ATRN: variants seen among roughly 807,000 people sequenced by gnomAD.
ATRN encodes the protein attractin, also known as attractin-2.
In ATRN, 54 loss-of-function variants were observed where a neutral mutation model predicts 178.7. The observed-to-expected ratio is 0.30, with a 90% CI of 0.24 to 0.38. The LOEUF (loss-of-function observed/expected upper bound fraction) is 0.38, where lower values mean the gene tolerates loss of function less well. Ranked by LOEUF, ATRN falls within the 10% of genes least tolerant of loss-of-function variation. ATRN has a pLI of 1.00. For missense variants in ATRN, 1,443 were observed against 1,815.1 expected (o/e 0.79, Z 3.73); for synonymous variants, 636 against 663.0 (o/e 0.96, Z 0.63).
At chr20:3,481,383 C>A (rs1012808592) in intron 1 of ATRN, among the ~76,000 whole-genome samples, 1 of 152,158 alleles carries the variant, frequency 6.6e-6, no homozygotes, top group Non-Finnish European at 1.5e-5. Context: ...CCCTGTCACC[C>A]GTGCTGAAGT....
At chr20:3,563,051 T>C (rs969749246) in intron 9 of ATRN, among the ~76,000 whole-genome samples, 158 bp from the exon 10 acceptor site, 1 of 152,242 alleles carries the variant, frequency 6.6e-6, no homozygotes, top group Admixed American at 6.5e-5. Flanking sequence ...ATTATCTGTA[T>C]TTATTGTTGA....
chr20:3,568,923 A>G (rs1431307554), intron 11 of ATRN, among the ~76,000 whole-genome samples: 1 of 152,202 alleles, frequency 6.6e-6, no homozygotes, highest in East Asian at 1.9e-4. Flanking sequence ...ACAAAAATGC[A>G]TAAAACATGG....
At chr20:3,546,084 A>G (rs1294515782) in intron 4 of ATRN, among the ~76,000 whole-genome samples, 194 bp downstream of exon 4, 1 of 152,188 alleles carries the variant, frequency 6.6e-6, no homozygotes, top group Admixed American at 6.5e-5. Context: ...TAATTGAGGA[A>G]ACTGGCAGGA....
At chr20:3,603,085 A>C (rs375044982) in intron 23 of ATRN, among the ~76,000 whole-genome samples, 1 of 151,346 alleles carries the variant, frequency 6.6e-6, no homozygotes, top group African/African-American at 2.4e-5. Context: ...CCATTTCATT[A>C]ATCTTTATCG....
intron 1 of ATRN, among the ~76,000 whole-genome samples, chr20:3,496,939 CT>C (rs1191987099): frequency 6.6e-6 from 1 of 151,182 alleles, no homozygotes; most frequent in African/African-American, 2.4e-5. Context: ...CTCTTTTGAT[CT>C]TTGTTGGTTT....
At chr20:3,495,472 C>CT (rs1157668039) in intron 1 of ATRN, among the ~76,000 whole-genome samples, 8 of 152,070 alleles carry the variant, frequency 5.3e-5, no homozygotes, top group African/African-American at 1.9e-4. Flanking sequence ...TGGGTAGGGG[C>CT]TTTGTTAGCA....
intron 1 of ATRN, among the ~76,000 whole-genome samples, chr20:3,473,358 G>C (rs2084460557): frequency 1.3e-5 from 2 of 152,144 alleles, no homozygotes; most frequent in African/African-American, 4.8e-5. Flanking sequence ...TGCGTGAGGG[G>C]TGGGGTGCTG....
chr20:3,644,660 C>G (rs1490593745), intron 28 of ATRN, among the ~76,000 whole-genome samples: 1 of 152,192 alleles, frequency 6.6e-6, no homozygotes, highest in East Asian at 1.9e-4. Context: ...CATGTTCTTC[C>G]TCAGTTGCCT....
At chr20:3,534,067 G>A (rs115127425) in intron 1 of ATRN, among the ~76,000 whole-genome samples, 4 of 152,308 alleles carry the variant, frequency 2.6e-5, no homozygotes, top group African/African-American at 9.6e-5. Context: ...TTGGGGAGTA[G>A]GGCATGGATA....
intron 1 of ATRN, chr20:3,489,423 G>T (rs2084749500): frequency 1.4e-6 from 1 of 707,382 alleles, no homozygotes; most frequent in South Asian, 1.6e-5. Flanking sequence ...TAGACCATGA[G>T]ACTACGTAGC....
intron 1 of ATRN, among the ~76,000 whole-genome samples, chr20:3,483,264 G>A (rs1380753829): frequency 6.6e-6 from 1 of 152,184 alleles, no homozygotes; most frequent in Non-Finnish European, 1.5e-5. Context: ...ATTAATTACA[G>A]AAGGATTCCA....
intron 3 of ATRN, among the ~76,000 whole-genome samples, chr20:3,541,156 C>A (rs1254371160): frequency 6.6e-6 from 1 of 150,600 alleles, no homozygotes; most frequent in African/African-American, 2.4e-5. Context: ...CGGCTCACTG[C>A]AAGCTCCGCC....
intron 22 of ATRN, among the ~76,000 whole-genome samples, chr20:3,598,664 G>A (rs762134689): frequency 7.9e-5 from 12 of 152,230 alleles, no homozygotes; most frequent in Non-Finnish European, 1.5e-4. Flanking sequence ...AGGCCACACT[G>A]CGGGACATTT....
At chr20:3,489,033 T>G (rs969866629) in intron 1 of ATRN, among the ~76,000 whole-genome samples, 1 of 152,314 alleles carries the variant, frequency 6.6e-6, no homozygotes, top group Non-Finnish European at 1.5e-5. Flanking sequence ...TGATCTTGGC[T>G]CACTGCAACC....
At chr20:3,496,581 T>C (rs2084882815) in intron 1 of ATRN, among the ~76,000 whole-genome samples, 1 of 152,312 alleles carries the variant, frequency 6.6e-6, no homozygotes, top group African/African-American at 2.4e-5. Context: ...AAGTATGTGG[T>C]CAATTTTGGA....
intron 26 of ATRN, among the ~76,000 whole-genome samples, chr20:3,635,692 T>C (rs2175765): frequency 0.15 from 23,527 of 152,120 alleles, 3,548 homozygotes; most frequent in African/African-American, 0.4. Context: ...AGGATATTCA[T>C]GTCTGAATAG....
At chr20:3,480,106 G>A (rs576801280) in intron 1 of ATRN, among the ~76,000 whole-genome samples, 1 of 152,170 alleles carries the variant, frequency 6.6e-6, no homozygotes, top group Non-Finnish European at 1.5e-5. Context: ...AAGGAAGGGG[G>A]TGAGGTTGTA....
At chr20:3,489,178 C>A (rs562973462) in intron 1 of ATRN, among the ~76,000 whole-genome samples, 1 of 152,290 alleles carries the variant, frequency 6.6e-6, no homozygotes, top group African/African-American at 2.4e-5. Flanking sequence ...CCAGGTTGGT[C>A]TTGAACTCCT....
At chr20:3,490,092 G>A (rs2084764871) in intron 1 of ATRN, 1 of 1,362,304 alleles carries the variant, frequency 7.3e-7, no homozygotes, top group Admixed American at 1.7e-5. Flanking sequence ...GTCTCGCTTG[G>A]TGCCCTTTGA....
Sources: gnomAD v4.1 joint callset for allele counts (sites outside exome capture counted in the v4.1 genomes callset) on GRCh38, gnomAD v4.1.1 for gene constraint, MANE v1.5 for transcripts, NCBI Gene and HGNC (gene_info 2026-07-23, HGNC 2026-07-21) for gene names.